Variants in HDAC8 observed in about 807,000 individuals in gnomAD.
HDAC8 encodes the protein histone deacetylase-like 1.
A neutral mutation model predicts 32.2 loss-of-function variants in HDAC8; 1 was observed. The ratio of observed to expected loss-of-function variants is 0.03; its 90% CI spans 0.01 to 0.15. HDAC8 has a LOEUF of 0.15. Among genes scored for constraint, HDAC8 ranks in the 10% least tolerant of loss-of-function variants. HDAC8 has a pLI of 1.00. For missense variants in HDAC8, 117 were observed against 300.0 expected (o/e 0.39, Z 4.51); for synonymous variants, 108 against 113.9 (o/e 0.95, Z 0.33).
intron 10 of HDAC8, among the ~76,000 whole-genome samples, chrX:72,347,025 T>A (rs1397416615): frequency 9.0e-6 from 1 of 111,276 alleles, no homozygotes; most frequent in Non-Finnish European, 1.9e-5. Context: ...ACAGCCTGAC[T>A]CTGAAGCTCC....
At chrX:72,354,046 T>C (rs17302424) in intron 9 of HDAC8, among the ~76,000 whole-genome samples, 451 of 112,261 alleles carry the variant, frequency 4.0e-3, no homozygotes, top group Non-Finnish European at 7.3e-3. Context: ...CAAGAGCATA[T>C]GGTTGCAAGA....
At chrX:72,535,490 A>T (rs2050494049) in intron 4 of HDAC8, among the ~76,000 whole-genome samples, 1 of 111,210 alleles carries the variant, frequency 9.0e-6, no homozygotes, top group Non-Finnish European at 1.9e-5. Flanking sequence ...TTTACCTTAC[A>T]TGTAAATCTA....
At chrX:72,428,820 T>C (rs2046725384) in intron 9 of HDAC8, among the ~76,000 whole-genome samples, 1 of 111,757 alleles carries the variant, frequency 8.9e-6, no homozygotes, top group African/African-American at 3.3e-5. Context: ...CTTGCTCTCC[T>C]ATCCTACTCA....
chrX:72,438,031 C>T (rs1346538011), intron 9 of HDAC8, among the ~76,000 whole-genome samples: 1 of 112,350 alleles, frequency 8.9e-6, no homozygotes, highest in Non-Finnish European at 1.9e-5. Context: ...TCCCTGACCC[C>T]TGTGCCTCCT....
intron 4 of HDAC8, among the ~76,000 whole-genome samples, chrX:72,555,877 G>A (rs1471746698): frequency 8.9e-6 from 1 of 112,252 alleles, no homozygotes; most frequent in Non-Finnish European, 1.9e-5. Flanking sequence ...TAGAGAGCTC[G>A]ACATCCAAAT....
At chrX:72,468,806 AT>A (rs1569320921) in intron 7 of HDAC8, among the ~76,000 whole-genome samples, 1 of 112,079 alleles carries the variant, frequency 8.9e-6, no homozygotes, top group Non-Finnish European at 1.9e-5. Flanking sequence ...TCATTCATTC[AT>A]TTCATTCATT....
chrX:72,483,901 T>C (rs1556004458), intron 7 of HDAC8, among the ~76,000 whole-genome samples: 2 of 112,334 alleles, frequency 1.8e-5, no homozygotes, highest in African/African-American at 6.5e-5. Flanking sequence ...AAACTTAGGC[T>C]TTAATGAGCT....
At chrX:72,461,605 A>C (rs1207784598) in intron 9 of HDAC8, among the ~76,000 whole-genome samples, 1 of 111,524 alleles carries the variant, frequency 9.0e-6, no homozygotes, top group East Asian at 2.8e-4. Flanking sequence ...ACCAAAGAAC[A>C]TGTGCCACGT....
chrX:72,524,908 C>T (rs945701469), intron 4 of HDAC8, among the ~76,000 whole-genome samples: 4 of 111,509 alleles, frequency 3.6e-5, no homozygotes, highest in Non-Finnish European at 3.8e-5. Context: ...TACATTATAC[C>T]ACCAGCCCCC....
chrX:72,384,501 G>A (rs1249974386), intron 9 of HDAC8, among the ~76,000 whole-genome samples: 1 of 111,127 alleles, frequency 9.0e-6, no homozygotes, highest in African/African-American at 3.3e-5. Context: ...ATTGGGGTGG[G>A]GGGTACAACC....
At chrX:72,467,117 T>G (rs1222234114) in intron 7 of HDAC8, 1 of 110,913 alleles carries the variant, frequency 9.0e-6, no homozygotes, top group Non-Finnish European at 1.9e-5. Flanking sequence ...GGTACTGATC[T>G]GTATCTTGAT....
chrX:72,363,082 C>A (rs782447135), intron 9 of HDAC8, among the ~76,000 whole-genome samples: 4 of 108,275 alleles, frequency 3.7e-5, no homozygotes, highest in Non-Finnish European at 7.7e-5. Flanking sequence ...GGTCTCCCTG[C>A]AGGCCAGAAT....
intron 7 of HDAC8, among the ~76,000 whole-genome samples, chrX:72,481,333 A>G (rs782570141): frequency 2.7e-5 from 3 of 111,521 alleles, no homozygotes; most frequent in Non-Finnish European, 5.7e-5. Flanking sequence ...TACAATTTGG[A>G]TTACAATTCA....
At chrX:72,473,058 G>C (rs1463533329) in intron 7 of HDAC8, among the ~76,000 whole-genome samples, 1 of 111,946 alleles carries the variant, frequency 8.9e-6, no homozygotes. Context: ...TTTCCTTAGG[G>C]ATATAGTTTT....
intron 9 of HDAC8, among the ~76,000 whole-genome samples, chrX:72,356,592 G>T (rs183572069): frequency 0.047 from 4,895 of 105,033 alleles, 275 homozygotes; most frequent in African/African-American, 0.16. Flanking sequence ...TTTTTTTTTT[G>T]GGGATGGAGT....
At chrX:72,403,056 T>C (rs1232346704) in intron 9 of HDAC8, among the ~76,000 whole-genome samples, 1 of 112,082 alleles carries the variant, frequency 8.9e-6, no homozygotes, top group Admixed American at 9.4e-5. Flanking sequence ...GTTTGTTTTC[T>C]GTAGACAGCA....
intron 10 of HDAC8, among the ~76,000 whole-genome samples, chrX:72,347,769 A>C (rs981467155): frequency 8.9e-6 from 1 of 112,138 alleles, no homozygotes; most frequent in Non-Finnish European, 1.9e-5. Flanking sequence ...TAAGCAAATG[A>C]ACATGGTGCA....
intron 10 of HDAC8, among the ~76,000 whole-genome samples, chrX:72,346,669 C>A (rs2044036063): frequency 9.1e-6 from 1 of 109,839 alleles, no homozygotes; most frequent in Non-Finnish European, 1.9e-5. Context: ...ACATTTCAGG[C>A]AGCAGGAGCT....
chrX:72,398,548 T>C (rs1190713895), intron 9 of HDAC8, among the ~76,000 whole-genome samples: 1 of 108,187 alleles, frequency 9.2e-6, no homozygotes, highest in Non-Finnish European at 1.9e-5. Flanking sequence ...TTGACCAGGT[T>C]GGTCTCAAAC....
Sources: gnomAD v4.1 joint callset for allele counts (sites outside exome capture counted in the v4.1 genomes callset) on GRCh38, gnomAD v4.1.1 for gene constraint, MANE v1.5 for transcripts, NCBI Gene and HGNC (gene_info 2026-07-23, HGNC 2026-07-21) for gene names.